Variants in SFMBT1 observed in about 807,000 individuals in gnomAD.
SFMBT1 encodes the protein Scm like with four mbt domains 1.
In SFMBT1, 32 loss-of-function variants were observed where a neutral mutation model predicts 108.7. The observed-to-expected ratio is 0.29, with a 90% CI of 0.22 to 0.40. The LOEUF (loss-of-function observed/expected upper bound fraction) is 0.40, where lower values mean the gene tolerates loss of function less well. SFMBT1 is among the 10% of genes least tolerant of loss of function. SFMBT1 has a pLI of 1.00. For synonymous variants in SFMBT1, 348 were observed against 369.5 expected (o/e 0.94, Z 0.67); for missense variants, 816 against 1,059.6 (o/e 0.77, Z 3.19).
intron 1 of SFMBT1, among the ~76,000 whole-genome samples, chr3:52,970,669 T>C (rs576822195): frequency 6.6e-6 from 1 of 152,214 alleles, no homozygotes; most frequent in Non-Finnish European, 1.5e-5. Flanking sequence ...AGTGATATTC[T>C]GCAGGATCAA....
intron 1 of SFMBT1, among the ~76,000 whole-genome samples, chr3:53,038,368 T>G (rs192546002): frequency 6.6e-6 from 1 of 152,318 alleles, no homozygotes; most frequent in African/African-American, 2.4e-5. Flanking sequence ...TTCTTAAGAA[T>G]TGAATAGTAA....
intron 1 of SFMBT1, among the ~76,000 whole-genome samples, chr3:53,002,719 C>A (rs1198576969): frequency 6.7e-6 from 1 of 150,268 alleles, no homozygotes; most frequent in African/African-American, 2.4e-5. Context: ...CTGCTCAGCA[C>A]CAGCCTGCTT....
rs71087030 is a variant in SFMBT1, at chr3:52,916,356, CTTTTTT to C, written c.1416-148_1416-143del. The C allele has an allele frequency of 1.1e-4, 39 of 346,016 alleles. 1 individual carries two copies. Among genetic ancestry groups the C allele is most frequent in the Admixed American group, 1.5e-4 (3 of 19,798 alleles). 21.4% of individuals were successfully genotyped at this position (346,016 alleles called of 1,614,324 possible). The stretch of plus-strand genomic sequence containing the variant: ...AACAGAAGGTACTCCCTTGATGATA[CTTTTTT>C]TTTTTTTTTTTTTTTTTAAAAGAAC... On this transcript the variant is annotated intron_variant, in intron 13 of 20. Coordinates refer to ENST00000394752, the MANE Select transcript of SFMBT1 (RefSeq NM_016329.4).
At chr3:53,017,243 T>C (rs552670294) in intron 1 of SFMBT1, among the ~76,000 whole-genome samples, 1 of 152,336 alleles carries the variant, frequency 6.6e-6, no homozygotes, top group African/African-American at 2.4e-5. Context: ...ATAATATTTC[T>C]GCACACCATA....
chr3:52,929,447 C>A (rs1702790954), intron 8 of SFMBT1, among the ~76,000 whole-genome samples: 1 of 152,218 alleles, frequency 6.6e-6, no homozygotes, highest in Admixed American at 6.5e-5. Flanking sequence ...CCATGTTGGT[C>A]AGGCTGGTCT....
Position 52,907,734 on chromosome 3 carries a change from C to G in SFMBT1, c.1907-1G>C. On this transcript the variant is annotated splice_acceptor_variant, in intron 17 of 20. Coordinates refer to ENST00000394752, the MANE Select transcript of SFMBT1 (RefSeq NM_016329.4). LOFTEE classifies it high-confidence loss of function. ...TTTTTCTTCTTTCCGTAATAGTGTG[C>G]TAAATGTGGATGACAAAGAAAAATG... The G allele has an allele frequency of 6.3e-7, 1 of 1,588,638 alleles. No individual in the cohort carries two copies. Among genetic ancestry groups the G allele is most frequent in the Non-Finnish European group, 8.5e-7 (1 of 1,171,418 alleles).
intron 9 of SFMBT1, among the ~76,000 whole-genome samples, chr3:52,927,296 G>A (rs1413687079): frequency 6.6e-6 from 1 of 152,182 alleles, no homozygotes; most frequent in African/African-American, 2.4e-5. Flanking sequence ...ACTCTCCCCA[G>A]GGATAAGCTC....
rs1702028501 is a variant in SFMBT1, at chr3:52,904,976, C to T, written c.*160G>A. ...GATCCACTTCTGTGCACAGTTTTTG[C>T]TTCCTCACTGTGAGTCCTCCTTCCC... is the stretch of plus-strand genomic sequence containing the variant. On this transcript the variant is annotated 3_prime_UTR_variant, in exon 21 of 21. Coordinates refer to ENST00000394752, the MANE Select transcript of SFMBT1 (RefSeq NM_016329.4). 1 of 888,268 alleles carries T rather than the reference C, an allele frequency of 1.1e-6. No individual in the cohort carries two copies. The highest frequency in any genetic ancestry group is 1.6e-6 in the Non-Finnish European group (1 of 613,048). The allele number at this position is 888,268 out of a possible 1,614,324, so 55.0% of individuals were successfully genotyped here.
At chr3:53,045,644 C>T (rs1229126647) in intron 1 of SFMBT1, among the ~76,000 whole-genome samples, 172 bp downstream of exon 1, 12 of 139,186 alleles carry the variant, frequency 8.6e-5, no homozygotes, top group Non-Finnish European at 1.3e-4. Flanking sequence ...GTGCCGCCGC[C>T]GCCGCCCGTT....
rs555471912 is a variant in SFMBT1, at chr3:53,001,039, A to G, written c.-130-31781T>C. Among the ~76,000 whole-genome samples the G allele has an allele frequency of 1.0e-3, 150 of 150,332 alleles. 7 individuals are homozygous for G. Among genetic ancestry groups the G allele is most frequent in the South Asian group, 4.6e-3 (22 of 4,732 alleles). Reference sequence around the variant, plus strand: ...TATTTGGATGTTCATCTCACTGTTTAGTCTACTTTTATATATGTTTGACAT... The same window carrying G: ...TATTTGGATGTTCATCTCACTGTTTGGTCTACTTTTATATATGTTTGACAT... On this transcript the variant is annotated intron_variant, in intron 1 of 20. Transcript: ENST00000394752.
Position 52,945,151 on chromosome 3 carries a change from A to AAAAAAAAAAAAAAAAAAAAC in SFMBT1, c.124-1559_124-1558insGTTTTTTTTTTTTTTTTTTT, listed in dbSNP as rs1208407962. On this transcript the variant is annotated intron_variant, in intron 3 of 20. Transcript: ENST00000394752. ...ACCTTCCAATTAAAAAAAAAAAAAA[A>AAAAAAAAAAAAAAAAAAAAC]CAAGGACTTCAGGGAAAAAAGCTTA... 3.4e-5 allele frequency among the ~76,000 whole-genome samples: 5 copies of AAAAAAAAAAAAAAAAAAAAC among 148,576 alleles called. 1 individual carries two copies. The highest frequency in any genetic ancestry group is 1.2e-4 in the African/African-American group (5 of 40,100).
intron 1 of SFMBT1, among the ~76,000 whole-genome samples, chr3:52,970,785 C>T (rs1050000647): frequency 6.6e-6 from 1 of 152,116 alleles, no homozygotes; most frequent in Non-Finnish European, 1.5e-5. Flanking sequence ...TTTAATACAT[C>T]CTTATACCAC....
intron 12 of SFMBT1, 60 bp downstream of exon 12, chr3:52,920,477 C>T (rs1365314952): frequency 8.1e-6 from 10 of 1,240,164 alleles, no homozygotes; most frequent in South Asian, 1.3e-5. Context: ...TTTTAATTGG[C>T]AGCAGCCACA....
chr3:52,932,444 C>T (rs1702887313), intron 5 of SFMBT1, 136 bp from the exon 6 acceptor site: 1 of 792,474 alleles, frequency 1.3e-6, no homozygotes, highest in Non-Finnish European at 2.0e-6. Context: ...AATTGTCTAT[C>T]ATCATACAAG....
chr3:52,986,016 G>A (rs892386768), intron 1 of SFMBT1, among the ~76,000 whole-genome samples: 3 of 151,890 alleles, frequency 2.0e-5, no homozygotes, highest in Admixed American at 6.6e-5. Flanking sequence ...GGTAGTGGGC[G>A]CCTGTAGTCC....
rs10668462 is a variant in SFMBT1, at chr3:53,030,683, C to CAAAAA, written c.-131+15128_-131+15132dup. 1.3e-3 allele frequency among the ~76,000 whole-genome samples: 111 copies of CAAAAA among 82,726 alleles called. 2 individuals are homozygous for CAAAAA. The highest frequency in any genetic ancestry group is 4.0e-3 in the African/African-American group (102 of 25,528). The allele number at this position is 82,726 out of a possible 152,430, so 54.3% of individuals were successfully genotyped here. A position where few individuals can be genotyped will look rare whatever the true frequency, so the allele number is the denominator to read the frequency against. ...CAGTAACTTTCAACTGGCCATAATG[C>CAAAAA]AAAAAAAAAAAAAAAAAAAAAAATC... On this transcript the variant is annotated intron_variant, in intron 1 of 20. Coordinates refer to ENST00000394752, the MANE Select transcript of SFMBT1 (RefSeq NM_016329.4).
At chr3:52,986,995 T>C (rs1186304220) in intron 1 of SFMBT1, among the ~76,000 whole-genome samples, 1 of 152,112 alleles carries the variant, frequency 6.6e-6, no homozygotes, top group Admixed American at 6.5e-5. Flanking sequence ...TCTATTAACT[T>C]TTTATTTACT....
rs778588352 is a variant in SFMBT1, at chr3:52,906,107, G to C, written c.2460+6C>G. On this transcript the variant is annotated splice_donor_region_variant and intron_variant, in intron 20 of 20. Transcript: ENST00000394752. ...ATTACTAAAAATTATAGGTATCTGT[G>C]ATTACCTGGTCTAGGAATATTCTTG... is the stretch of plus-strand genomic sequence containing the variant. 6.2e-7 allele frequency: 1 copy of C among 1,613,786 alleles called. No homozygotes were observed. Among genetic ancestry groups the C allele is most frequent in the Non-Finnish European group, 8.5e-7 (1 of 1,179,754 alleles).
intron 18 of SFMBT1, 59 bp downstream of exon 18, chr3:52,907,496 A>G (rs1283831633): frequency 2.0e-5 from 31 of 1,558,096 alleles, no homozygotes; most frequent in South Asian, 2.5e-5. Flanking sequence ...CTGTGTCCAT[A>G]CTATAAAGCA....
Sources: gnomAD v4.1 joint callset for allele counts (sites outside exome capture counted in the v4.1 genomes callset) on GRCh38, gnomAD v4.1.1 for gene constraint, MANE v1.5 for transcripts, NCBI Gene and HGNC (gene_info 2026-07-23, HGNC 2026-07-21) for gene names.